The following PCDHA2 variants were observed in gnomAD, a reference collection of about 807,000 sequenced individuals.
PCDHA2 encodes protocadherin alpha-2.
PCDHA2 carries 58 observed loss-of-function variants against 66.0 expected under a neutral mutation model. The ratio of observed to expected loss-of-function variants is 0.88; its 90% CI spans 0.71 to 1.09. The LOEUF (loss-of-function observed/expected upper bound fraction) is 1.09. PCDHA2 is among the 50% of genes least tolerant of loss of function. The probability of loss-of-function intolerance (pLI) is 0.00; values close to 1 mark genes in which losing one functional copy is unlikely to be tolerated. For missense variants in PCDHA2, 1,267 were observed against 1,242.3 expected (o/e 1.02, Z -0.30); for synonymous variants, 634 against 554.0 (o/e 1.14, Z -2.03).
At chr5:140,821,906 T>G (rs2150111848) in intron 1 of PCDHA2, 2 of 1,614,228 alleles carry the variant, frequency 1.2e-6, no homozygotes, top group Non-Finnish European at 1.7e-6. Flanking sequence ...GGAACCTTCG[T>G]TGGCCGCATC....
At chr5:140,859,250 T>C (rs952505479) in intron 1 of PCDHA2, 7 of 133,126 alleles carry the variant, frequency 5.3e-5, no homozygotes, top group African/African-American at 1.9e-4. Flanking sequence ...TGTTTAATAA[T>C]GAAGAGAATT....
chr5:140,875,410 ATACC>A (rs1259407256), intron 1 of PCDHA2: 2 of 1,502,000 alleles, frequency 1.3e-6, no homozygotes, highest in Non-Finnish European at 1.8e-6. Context: ...TGCTCATAAA[ATACC>A]TCAGGCAAGC....
At chr5:140,809,581 A>T in intron 1 of PCDHA2, 1 of 1,552,852 alleles carries the variant, frequency 6.4e-7, no homozygotes, top group Non-Finnish European at 8.7e-7. Flanking sequence ...AGGTTAGTGT[A>T]TAACATCCTT....
intron 1 of PCDHA2, among the ~76,000 whole-genome samples, chr5:140,941,214 CCTTTCTTTCTTTCTTT>C (rs60032403): frequency 8.2e-6 from 1 of 122,414 alleles, no homozygotes; most frequent in East Asian, 2.3e-4. Context: ...TTTCTTTCTT[CCTTTCTTTCTTTCTTT>C]CTTTCTTTCT....
At chr5:140,850,428 C>T (rs2150483973) in intron 1 of PCDHA2, 1 of 1,597,938 alleles carries the variant, frequency 6.3e-7, no homozygotes, top group Admixed American at 1.7e-5. Context: ...CGCACCGCGC[C>T]AGCGCCTACT....
At position 140,839,681 on chromosome 5, in the gene PCDHA2, G is replaced by T. The variant is rs149210485; in HGVS notation, c.2388+42329G>T. On this transcript the variant is annotated intron_variant, in intron 1 of 3. Coordinates refer to ENST00000526136, the MANE Select transcript of PCDHA2 (RefSeq NM_018905.3). Reference sequence around the variant, plus strand: ...GCTACTATTTAGAGTCAACTACAGAGATTTTTTTGGGTAAATAATGTGATG... The same window carrying T: ...GCTACTATTTAGAGTCAACTACAGATATTTTTTTGGGTAAATAATGTGATG... Among the ~76,000 whole-genome samples the T allele has an allele frequency of 4.2e-3, 640 of 152,116 alleles. 7 individuals are homozygous for T. The highest frequency in any genetic ancestry group is 0.033 in the South Asian group (157 of 4,822).
rs782052342 is a variant in PCDHA2, at chr5:140,927,029, C to T, written c.2389-51920C>T. On this transcript the variant is annotated intron_variant, in intron 1 of 3. Transcript: ENST00000526136. ...AATCTCTCCGCGGACTTGAGGCTGC[C>T]AGCGGCCGCTATGTCCTCGCGGAAC... 1.9e-6 allele frequency: 3 copies of T among 1,612,358 alleles called. No homozygotes were observed. In the South Asian group the frequency reaches 3.3e-5, roughly 18 times the overall value.
At chr5:140,958,652 G>A (rs991773774) in intron 1 of PCDHA2, among the ~76,000 whole-genome samples, 15 of 152,030 alleles carry the variant, frequency 9.9e-5, no homozygotes, top group Admixed American at 2.6e-4. Flanking sequence ...ATCACAGAAA[G>A]CTATGATGAA....
chr5:140,808,970 C>G, intron 1 of PCDHA2: 1 of 1,613,572 alleles, frequency 6.2e-7, no homozygotes, highest in Non-Finnish European at 8.5e-7. Flanking sequence ...GGCAAAGGTG[C>G]GCGCGGTGGA....
In PCDHA2 at chr5:140,982,463, G is replaced by A. The variant is rs781833977; in HGVS notation, c.2448-12G>A. 1 of 1,614,060 alleles carries A rather than the reference G, an allele frequency of 6.2e-7. No individual in the cohort carries two copies. The highest frequency in any genetic ancestry group is 1.3e-5 in the African/African-American group (1 of 74,928). On this transcript the variant is annotated splice_polypyrimidine_tract_variant and intron_variant, in intron 2 of 3. Coordinates refer to ENST00000526136, the MANE Select transcript of PCDHA2 (RefSeq NM_018905.3). ...TGATCTAACCGTTATCTGGGTCTGT[G>A]TGTTTATTCAGCTCTGTGCACCTAG...
At chr5:140,994,178 A>G (rs2097601690) in intron 3 of PCDHA2, among the ~76,000 whole-genome samples, 1 of 152,226 alleles carries the variant, frequency 6.6e-6, no homozygotes, top group Admixed American at 6.5e-5. Context: ...AAGCTGGGAC[A>G]AACCACCAGG....
intron 1 of PCDHA2, chr5:140,859,908 T>C (rs1554152827): frequency 6.6e-6 from 1 of 150,380 alleles, no homozygotes; most frequent in Non-Finnish European, 1.5e-5. Context: ...CTTAATGTCT[T>C]ATATTATAAG....
At position 140,828,217 on chromosome 5, in the gene PCDHA2, C is replaced by T. The variant is rs2150152488; in HGVS notation, c.2388+30865C>T. Reference sequence around the variant, plus strand: ...CCGTACCCGAGGAGGCCAAACACGGCACCTTCGTGGGCCGGATCGCGCAGG... The same window carrying T: ...CCGTACCCGAGGAGGCCAAACACGGTACCTTCGTGGGCCGGATCGCGCAGG... On this transcript the variant is annotated intron_variant, in intron 1 of 3. Transcript: ENST00000526136. 2.5e-6 allele frequency: 4 copies of T among 1,613,910 alleles called. No individual in the cohort carries two copies. In the African/African-American group the frequency reaches 5.3e-5, roughly 22 times the overall value.
intron 1 of PCDHA2, chr5:140,803,183 G>A: frequency 6.2e-7 from 1 of 1,613,910 alleles, no homozygotes; most frequent in Non-Finnish European, 8.5e-7. Flanking sequence ...TGACCGCCAC[G>A]GCCACTGTGC....
chr5:140,924,531 G>A (rs1194516404), intron 1 of PCDHA2, among the ~76,000 whole-genome samples: 2 of 152,070 alleles, frequency 1.3e-5, no homozygotes, highest in African/African-American at 2.4e-5. Flanking sequence ...GAGAATGCCC[G>A]AGCTACCCCT....
In PCDHA2 at chr5:140,978,986, C is replaced by T. The variant is rs138901709; in HGVS notation, c.2426C>T (p.Ser809Phe). The change falls in exon 2 of 4, where the codon TCC (serine) becomes TTC (phenylalanine). Residue 809 changes from serine (S) to phenylalanine (F), a missense_variant. Physicochemically the swap from Ser to Phe is radical, Grantham distance 155. Transcript: ENST00000526136. ...AACCCTGACTGGCGTTACTCTGCCT[C>T]CCTGAGAGCAGGCATGCACAGGTAT... Reference protein sequence around the residue: ...QPNPDWRYSASLRAGMHSSVH... With the variant: ...QPNPDWRYSAFLRAGMHSSVH... 56 of 1,614,072 alleles carry T rather than the reference C, an allele frequency of 3.5e-5. No individual in the cohort carries two copies. The highest frequency in any genetic ancestry group is 4.5e-5 in the Non-Finnish European group (53 of 1,180,028).
At chr5:140,975,675 T>C (rs1047804393) in intron 1 of PCDHA2, among the ~76,000 whole-genome samples, 3 of 152,240 alleles carry the variant, frequency 2.0e-5, no homozygotes, top group Non-Finnish European at 2.9e-5. Context: ...AGTTTATTAA[T>C]AAAATAGGGT....
chr5:140,874,124 T>G (rs926046559), intron 1 of PCDHA2, among the ~76,000 whole-genome samples: 6 of 152,266 alleles, frequency 3.9e-5, no homozygotes, highest in Admixed American at 3.3e-4. Context: ...TTATAGTTTA[T>G]TTAAGTTATC....
intron 1 of PCDHA2, chr5:140,801,741 G>A (rs1554121657): frequency 6.2e-7 from 1 of 1,613,948 alleles, no homozygotes. Context: ...TACCTTGGAC[G>A]TTAAAAGAAA....
Sources: allele counts gnomAD v4.1 joint callset (sites outside exome capture counted in the v4.1 genomes callset), GRCh38; gene constraint gnomAD v4.1.1; transcripts MANE v1.5; gene names NCBI Gene and HGNC (gene_info 2026-07-23, HGNC 2026-07-21).